MROH6: variants seen among roughly 807,000 people sequenced by gnomAD.
MROH6 encodes the protein maestro heat-like repeat-containing protein family member 6.
A neutral mutation model predicts 67.7 loss-of-function variants in MROH6; 62 were observed. That is an observed-to-expected ratio of 0.92 (90% CI 0.75 to 1.13). The LOEUF (loss-of-function observed/expected upper bound fraction) is 1.13. Among genes scored for constraint, MROH6 ranks in the 50% most tolerant of loss-of-function variants. The pLI is 0.00. For missense variants in MROH6, 1,175 were observed against 1,029.1 expected (o/e 1.14, Z -1.94); for synonymous variants, 566 against 470.8 (o/e 1.20, Z -2.62).
chr8:143,572,759 T>C lies in MROH6; in HGVS notation c.-45A>G. ...ACCTGCCGCTGCTCCTCCTGCGAAGTTGTGCCCAGGACTGACCTAGAAGCC... is the reference window on the plus strand; with the variant it reads ...ACCTGCCGCTGCTCCTCCTGCGAAGCTGTGCCCAGGACTGACCTAGAAGCC... On this transcript the variant is annotated 5_prime_UTR_variant, in exon 1 of 14. Coordinates refer to ENST00000398882, the MANE Select transcript of MROH6 (RefSeq NM_001100878.2). 2.8e-6 allele frequency: 4 copies of C among 1,442,350 alleles called. No individual in the cohort carries two copies. The highest frequency in any genetic ancestry group is 2.7e-6 in the Non-Finnish European group (3 of 1,101,632). The allele number at this position is 1,442,350 out of a possible 1,614,324, so 89.3% of individuals were successfully genotyped here. A position where few individuals can be genotyped will look rare whatever the true frequency, so the allele number is the denominator to read the frequency against.
In MROH6 at chr8:143,570,583, C is replaced by T. The variant is rs1425243169; in HGVS notation, c.795G>A (p.Leu265=). The T allele has an allele frequency of 7.5e-6, 12 of 1,606,478 alleles. No homozygotes were observed. The highest frequency in any genetic ancestry group is 2.7e-5 in the African/African-American group (2 of 74,932). ...VGATRGFYPH[L]LLALVTQLHK... is the part of the protein sequence containing the mutation. ...GCAGCTGTGTGACCAGCGCAAGCAG[C>T]AGATGTGGGTAGAAGCCCCTCGTGG... is the stretch of plus-strand genomic sequence containing the variant. The change falls in exon 5 of 14, where the codon CTG becomes CTA. Residue 265 remains leucine, a synonymous_variant. Transcript: ENST00000398882.
chr8:143,572,414 CCG>C lies in MROH6; in HGVS notation c.294+5_294+6del. The stretch of plus-strand genomic sequence containing the variant: ...GTTCGCACAACATCCCTTCCCTCCC[CCG>C]TCACCTGGTGGGGCCCCTCAGGGGC... On this transcript the variant is annotated splice_donor_5th_base_variant and intron_variant, in intron 1 of 13. Coordinates refer to ENST00000398882, the MANE Select transcript of MROH6 (RefSeq NM_001100878.2). The C allele has an allele frequency of 1.9e-6, 3 of 1,559,218 alleles. No individual in the cohort carries two copies. The highest frequency in any genetic ancestry group is 2.6e-6 in the Non-Finnish European group (3 of 1,155,628).
rs1304343331 is a variant in MROH6, at chr8:143,570,294, C to T, written c.992G>A (p.Arg331Lys). ...VTCMEQAGGW[R>K]RLVGAHTHLE... is the part of the protein sequence containing the mutation. The stretch of plus-strand genomic sequence containing the variant: ...GTGGGTGTGGGCTCCCACCAGCCTC[C>T]TCCAGCCTCCTGCCTGCTCCATGCA... Residue 331 changes from arginine (R) to lysine (K), a missense_variant, in exon 6 of 14, where the codon AGG becomes AAG. Coordinates refer to ENST00000398882, the MANE Select transcript of MROH6 (RefSeq NM_001100878.2). 1.2e-6 allele frequency: 2 copies of T among 1,607,550 alleles called. No individual in the cohort carries two copies. Among genetic ancestry groups the T allele is most frequent in the Non-Finnish European group, 1.7e-6 (2 of 1,179,076 alleles).
In MROH6 at chr8:143,570,915, G is replaced by A. The variant is rs1229049699; in HGVS notation, c.682C>T (p.Leu228=). 40 of 1,528,348 alleles carry A rather than the reference G, an allele frequency of 2.6e-5. No homozygotes were observed. The highest frequency in any genetic ancestry group is 3.4e-5 in the Non-Finnish European group (39 of 1,136,108). The allele number at this position is 1,528,348 out of a possible 1,614,324, so 94.7% of individuals were successfully genotyped here. ...GQVLVQLLWA[L]KGASGPEPQA... ...GGCTCCGGCCCCGAAGCACCCTTCA[G>A]CGCCCACAGCAGTTGCACCAGCACC... The change falls in exon 4 of 14, where the codon CTG becomes TTG. Residue 228 remains leucine (L), a synonymous_variant. Coordinates refer to ENST00000398882, the MANE Select transcript of MROH6 (RefSeq NM_001100878.2).
chr8:143,567,193 G>A lies in MROH6; in HGVS notation c.*46C>T, dbSNP rs1823656959. The A allele has an allele frequency of 3.6e-6, 4 of 1,096,630 alleles. No homozygotes were observed. The highest frequency in any genetic ancestry group is 4.6e-5 in the South Asian group (1 of 21,776). The allele number at this position is 1,096,630 out of a possible 1,614,324, so 67.9% of individuals were successfully genotyped here. ...GGCGGGGACAGGCTGCTATGCGCGT[G>A]GGGTGCCCGAGTCGGACCCTGGCCC... On this transcript the variant is annotated 3_prime_UTR_variant, in exon 14 of 14. Transcript: ENST00000398882.
intron 5 of MROH6, 30 bp downstream of exon 5, chr8:143,570,443 C>T (rs369612231): frequency 5.7e-6 from 7 of 1,218,810 alleles, no homozygotes; most frequent in Admixed American, 2.0e-5. Context: ...CATGCTGGCC[C>T]GCCCCACGTA....
chr8:143,570,359 C>T lies in MROH6; in HGVS notation c.927G>A (p.Lys309=). 1 of 1,611,018 alleles carries T rather than the reference C, an allele frequency of 6.2e-7. No individual in the cohort carries two copies. Among genetic ancestry groups the T allele is most frequent in the East Asian group, 2.2e-5 (1 of 44,884 alleles). ...SHASCAVEAL[K]ALLTGDGGRM... is the part of the protein sequence containing the mutation. ...GGCCTCCATCCCCGGTGAGCAGCGC[C>T]TTCAAGGCCTCCACAGCACAGCTGG... The change falls in exon 6 of 14, where the codon AAG becomes AAA. Residue 309 remains lysine (K), a synonymous_variant. Transcript: ENST00000398882.
chr8:143,569,307 G>A (rs1823845773), intron 9 of MROH6, 134 bp downstream of exon 9: 1 of 542,936 alleles, frequency 1.8e-6, no homozygotes, highest in South Asian at 2.6e-5. Flanking sequence ...GGAGAGACTG[G>A]AAGGGCGGGG....
Position 143,571,834 on chromosome 8 carries a change from G to A in MROH6, c.448-13C>T. 2.6e-6 allele frequency: 4 copies of A among 1,536,884 alleles called. No homozygotes were observed. The highest frequency in any genetic ancestry group is 3.5e-6 in the Non-Finnish European group (4 of 1,140,768). Reference sequence around the variant, plus strand: ...CCAGAGCATGCACCTGGTGGGGAAGGGGGCAGACTTCAGCAGTCAGGCCTC... The same window carrying A: ...CCAGAGCATGCACCTGGTGGGGAAGAGGGCAGACTTCAGCAGTCAGGCCTC... On this transcript the variant is annotated splice_polypyrimidine_tract_variant and intron_variant, in intron 2 of 13. Coordinates refer to ENST00000398882, the MANE Select transcript of MROH6 (RefSeq NM_001100878.2).
chr8:143,567,470 G>C lies in MROH6; in HGVS notation c.1934-5C>G. 1.4e-6 allele frequency: 2 copies of C among 1,413,010 alleles called. No homozygotes were observed. Among genetic ancestry groups the C allele is most frequent in the Non-Finnish European group, 1.8e-6 (2 of 1,083,812 alleles). The allele number at this position is 1,413,010 out of a possible 1,614,324, so 87.5% of individuals were successfully genotyped here. ...CGCTCTGCAGTCGCCCTAGGTCTGC[G>C]AGGAGATCGCGGCTCAGGCTGGGGA... On this transcript the variant is annotated splice_region_variant and splice_polypyrimidine_tract_variant and intron_variant, in intron 13 of 13. Coordinates refer to ENST00000398882, the MANE Select transcript of MROH6 (RefSeq NM_001100878.2).
chr8:143,569,407 A>T, intron 9 of MROH6, 34 bp downstream of exon 9: 1 of 1,127,716 alleles, frequency 8.9e-7, no homozygotes, highest in Non-Finnish European at 1.1e-6. Flanking sequence ...TGACAGCGGC[A>T]GGGGCGGGAC....
intron 10 of MROH6, 32 bp downstream of exon 10, chr8:143,568,520 A>C: frequency 6.7e-7 from 1 of 1,502,324 alleles, no homozygotes. Context: ...GTTGGATGGC[A>C]TAGGGGTGGG....
In MROH6 at chr8:143,570,244, T is replaced by C. The variant is rs1356340517; in HGVS notation, c.1042A>G (p.Ser348Gly). 1 of 1,449,616 alleles carries C rather than the reference T, an allele frequency of 6.9e-7. No homozygotes were observed. Among genetic ancestry groups the C allele is most frequent in the South Asian group, 1.3e-5 (1 of 74,416 alleles). The allele number at this position is 1,449,616 out of a possible 1,614,324, so 89.8% of individuals were successfully genotyped here. The change falls in exon 6 of 14, where the codon AGT becomes GGT. Residue 348 changes from serine to glycine, a missense_variant and splice_region_variant. Physicochemically the swap from Ser to Gly is moderately conservative, Grantham distance 56. Coordinates refer to ENST00000398882, the MANE Select transcript of MROH6 (RefSeq NM_001100878.2). Reference sequence around the variant, plus strand: ...GGGGCCCCTCCTCACCCTCCTCACCTGGCCAGCAGCAGGACGCCCTCCAGG... The same window carrying C: ...GGGGCCCCTCCTCACCCTCCTCACCCGGCCAGCAGCAGGACGCCCTCCAGG... ...THLEGVLLLA[S>G]AMVAHADHHL...
Position 143,569,462 on chromosome 8 carries a change from G to T in MROH6, c.1455C>A (p.Arg485=). ...VRLLSAELGP[R]LPPLLDDTRD... ...TCACGTCGTCCAGTAGCGGAGGGAGGCGCGGTCCCAGCTCCGCGCTCAGGA... is the reference window on the plus strand; with the variant it reads ...TCACGTCGTCCAGTAGCGGAGGGAGTCGCGGTCCCAGCTCCGCGCTCAGGA... Residue 485 remains arginine (R), a synonymous_variant, in exon 9 of 14, where the codon CGC becomes CGA. Transcript: ENST00000398882. 6.8e-7 allele frequency: 1 copy of T among 1,461,706 alleles called. No individual in the cohort carries two copies. The highest frequency in any genetic ancestry group is 8.9e-7 in the Non-Finnish European group (1 of 1,117,462). 90.5% of individuals were successfully genotyped at this position (1,461,706 alleles called of 1,614,324 possible).
Position 143,570,897 on chromosome 8 carries a change from G to T in MROH6, c.700C>A (p.Pro234Thr). The change falls in exon 4 of 14, where the codon CCG becomes ACG. Residue 234 changes from proline (P) to threonine (T), a missense_variant. Pro to Thr is a conservative substitution (Grantham distance 38). Transcript: ENST00000398882. The stretch of plus-strand genomic sequence containing the variant: ...CCTACCGCCAGTGCCTGGGGCTCCG[G>T]CCCCGAAGCACCCTTCAGCGCCCAC... ...LLWALKGASG[P>T]EPQALAATRA... is the part of the protein sequence containing the mutation. The T allele has an allele frequency of 6.5e-7, 1 of 1,544,246 alleles. No homozygotes were observed.
At position 143,570,650 on chromosome 8, in the gene MROH6, C is replaced by T. The variant is rs371955005; in HGVS notation, c.728G>A (p.Arg243His). 1.5e-5 allele frequency: 24 copies of T among 1,594,330 alleles called. No homozygotes were observed. The highest frequency in any genetic ancestry group is 9.9e-5 in the South Asian group (9 of 90,492). ...GPEPQALAAT[R>H]ALGEMLAVSG... is the part of the protein sequence containing the mutation. Reference sequence around the variant, plus strand: ...AACAGCCAGCATCTCCCCAAGAGCACGTGTGGCCTGTGGAGCAAGTGGCCC... The same window carrying T: ...AACAGCCAGCATCTCCCCAAGAGCATGTGTGGCCTGTGGAGCAAGTGGCCC... The change falls in exon 5 of 14, where the codon CGT becomes CAT. Residue 243 changes from arginine (R) to histidine (H), a missense_variant. Physicochemically the swap from Arg to His is conservative, Grantham distance 29 (BLOSUM62 0). Coordinates refer to ENST00000398882, the MANE Select transcript of MROH6 (RefSeq NM_001100878.2).
chr8:143,570,765 G>A (rs1823978436), intron 4 of MROH6, 108 bp from the exon 5 acceptor site: 1 of 1,422,104 alleles, frequency 7.0e-7, no homozygotes. Flanking sequence ...AGACACGCAT[G>A]GGACATTCCA....
intron 2 of MROH6, 50 bp from the exon 3 acceptor site, chr8:143,571,871 A>G (rs1009330906): frequency 6.6e-7 from 1 of 1,515,856 alleles, no homozygotes; most frequent in Non-Finnish European, 8.9e-7. Flanking sequence ...TCCACCGTCC[A>G]TTCCCCTCTG....
In MROH6 at chr8:143,569,454, G is replaced by T. The variant is rs930858910; in HGVS notation, c.1463C>A (p.Pro488Gln). ...GCGTTTGCTCACGTCGTCCAGTAGC[G>T]GAGGGAGGCGCGGTCCCAGCTCCGC... ...LSAELGPRLP[P>Q]LLDDTRDSIR... The change falls in exon 9 of 14, where the codon CCG becomes CAG. Residue 488 changes from proline (P) to glutamine (Q), a missense_variant. Pro to Gln is a moderately conservative substitution (Grantham distance 76, BLOSUM62 -1). Coordinates refer to ENST00000398882, the MANE Select transcript of MROH6 (RefSeq NM_001100878.2). 2 of 1,458,506 alleles carry T rather than the reference G, an allele frequency of 1.4e-6. No homozygotes were observed. The highest frequency in any genetic ancestry group is 1.5e-5 in the African/African-American group (1 of 67,200). The allele number at this position is 1,458,506 out of a possible 1,614,324, so 90.3% of individuals were successfully genotyped here.
Sources: gnomAD v4.1 joint callset for allele counts on GRCh38, gnomAD v4.1.1 for gene constraint, MANE v1.5 for transcripts, NCBI Gene and HGNC (gene_info 2026-07-23, HGNC 2026-07-21) for gene names.